The following CSMD3 variants were observed in gnomAD, a reference collection of about 807,000 sequenced individuals.
The protein encoded by CSMD3 is CUB and sushi domain-containing protein 3.
A neutral mutation model predicts 435.2 loss-of-function variants in CSMD3; 177 were observed. The observed-to-expected ratio is 0.41, with a 90% CI of 0.36 to 0.46. The LOEUF is 0.46. Among genes scored for constraint, CSMD3 ranks in the 20% least tolerant of loss-of-function variants. CSMD3 has a pLI of 0.34. For missense variants in CSMD3, 4,265 were observed against 4,504.6 expected (o/e 0.95, Z 1.52); for synonymous variants, 1,656 against 1,520.5 (o/e 1.09, Z -2.07).
intron 22 of CSMD3, among the ~76,000 whole-genome samples, chr8:112,609,548 C>G (rs1410124067): frequency 1.3e-5 from 2 of 151,934 alleles, no homozygotes; most frequent in Non-Finnish European, 2.9e-5. Context: ...AAAGGGGAAC[C>G]CTTATACATT....
intron 5 of CSMD3, among the ~76,000 whole-genome samples, chr8:113,049,147 G>T (rs1405996163): frequency 6.6e-6 from 1 of 152,164 alleles, no homozygotes; most frequent in Non-Finnish European, 1.5e-5. Context: ...GGTGAGGCAG[G>T]AGAATCACTT....
intron 1 of CSMD3, among the ~76,000 whole-genome samples, chr8:113,334,018 A>C (rs2094048910): frequency 6.6e-6 from 1 of 151,814 alleles, no homozygotes; most frequent in South Asian, 2.1e-4. Context: ...TAAGTATTTT[A>C]TATTTTCTTA....
At chr8:113,089,909 T>C (rs1405774386) in intron 5 of CSMD3, among the ~76,000 whole-genome samples, 1 of 152,124 alleles carries the variant, frequency 6.6e-6, no homozygotes, top group Non-Finnish European at 1.5e-5. Context: ...ACCTGCCTTT[T>C]GACTAACCAT....
intron 4 of CSMD3, among the ~76,000 whole-genome samples, chr8:113,107,975 GATC>G (rs1194194032): frequency 5.9e-5 from 9 of 152,132 alleles, no homozygotes; most frequent in South Asian, 2.1e-4. Flanking sequence ...TATTTAAATT[GATC>G]ATCAATTTGG....
intron 1 of CSMD3, among the ~76,000 whole-genome samples, chr8:113,346,823 G>C (rs1259028883): frequency 6.6e-6 from 1 of 152,048 alleles, no homozygotes; most frequent in Non-Finnish European, 1.5e-5. Flanking sequence ...AGAATATAAA[G>C]ATGTTTTCTT....
chr8:113,123,953 A>G (rs2091054810), intron 4 of CSMD3, among the ~76,000 whole-genome samples: 1 of 151,900 alleles, frequency 6.6e-6, no homozygotes, highest in African/African-American at 2.4e-5. Flanking sequence ...CCCTGCCCCC[A>G]TCCTAATTTA....
intron 6 of CSMD3, among the ~76,000 whole-genome samples, chr8:113,016,158 A>G (rs963597788): frequency 1.3e-5 from 2 of 151,852 alleles, no homozygotes; most frequent in Non-Finnish European, 2.9e-5. Flanking sequence ...AAGGCAAAAG[A>G]TGTTTTATTT....
At chr8:112,813,304 A>G (rs941243868) in intron 12 of CSMD3, among the ~76,000 whole-genome samples, 11 of 152,210 alleles carry the variant, frequency 7.2e-5, no homozygotes, top group Admixed American at 4.6e-4. Flanking sequence ...ACGTGGGGCA[A>G]TATGTTACCA....
At chr8:112,819,802 A>G (rs1354359686) in intron 12 of CSMD3, among the ~76,000 whole-genome samples, 3 of 152,160 alleles carry the variant, frequency 2.0e-5, no homozygotes, top group Non-Finnish European at 4.4e-5. Context: ...ACTTTGATAG[A>G]CTACACAAAC....
intron 6 of CSMD3, among the ~76,000 whole-genome samples, chr8:113,003,565 G>T (rs1795263165): frequency 6.6e-6 from 1 of 151,900 alleles, no homozygotes; most frequent in African/African-American, 2.4e-5. Flanking sequence ...AATATTTTAT[G>T]GTTTAATAGA....
chr8:112,879,507 A>G (rs2081388433), intron 10 of CSMD3, among the ~76,000 whole-genome samples: 1 of 151,974 alleles, frequency 6.6e-6, no homozygotes, highest in African/African-American at 2.4e-5. Flanking sequence ...GTGATATTTT[A>G]TTGCCTTTGA....
intron 2 of CSMD3, among the ~76,000 whole-genome samples, chr8:113,291,479 G>T (rs754204743): frequency 1.3e-5 from 2 of 151,862 alleles, no homozygotes; most frequent in Non-Finnish European, 2.9e-5. Context: ...AAGTTTCTAT[G>T]TAAGAAGGAA....
At chr8:113,234,035 T>C (rs2093120429) in intron 3 of CSMD3, among the ~76,000 whole-genome samples, 1 of 152,084 alleles carries the variant, frequency 6.6e-6, no homozygotes, top group Admixed American at 6.6e-5. Flanking sequence ...AAGCACACAT[T>C]CCCTTTGCCC....
intron 32 of CSMD3, among the ~76,000 whole-genome samples, chr8:112,443,966 T>C (rs1237010434): frequency 9.2e-5 from 14 of 152,218 alleles, no homozygotes; most frequent in Admixed American, 9.2e-4. Context: ...ATTCTCATTT[T>C]GCAGAAAAGA....
chr8:113,190,466 A>G (rs2092568525), intron 3 of CSMD3, among the ~76,000 whole-genome samples: 1 of 151,792 alleles, frequency 6.6e-6, no homozygotes, highest in African/African-American at 2.4e-5. Flanking sequence ...ATGGAATGGC[A>G]AGAGTCCATT....
chr8:112,457,372 A>AT, intron 32 of CSMD3, among the ~76,000 whole-genome samples: 1 of 152,112 alleles, frequency 6.6e-6, no homozygotes, highest in Non-Finnish European at 1.5e-5. Context: ...GTAAGCCTGT[A>AT]CAATTTTATC....
intron 35 of CSMD3, among the ~76,000 whole-genome samples, chr8:112,405,214 C>CATATATATATATATATATAT (rs71309768): frequency 1.6e-4 from 3 of 19,064 alleles, no homozygotes; most frequent in Non-Finnish European, 2.4e-4. Context: ...AAAAAACCCC[C>CATATATATATATATATATAT]ATATATATAT....
At chr8:112,469,766 C>A (rs1203867506) in intron 32 of CSMD3, among the ~76,000 whole-genome samples, 3 of 152,104 alleles carry the variant, frequency 2.0e-5, no homozygotes, top group African/African-American at 7.2e-5. Context: ...AGGACCAGTA[C>A]CAGTCCATAG....
chr8:113,188,012 C>T (rs557384339), intron 3 of CSMD3, among the ~76,000 whole-genome samples: 47 of 152,064 alleles, frequency 3.1e-4, no homozygotes, highest in African/African-American at 1.0e-3. Flanking sequence ...TTTTCTTTGC[C>T]TATCCAGATA....
Sources: gnomAD v4.1 joint callset for allele counts (sites outside exome capture counted in the v4.1 genomes callset) on GRCh38, gnomAD v4.1.1 for gene constraint, MANE v1.5 for transcripts, NCBI Gene and HGNC (gene_info 2026-07-23, HGNC 2026-07-21) for gene names.